RASSF8: variants seen among roughly 807,000 people sequenced by gnomAD.
RASSF8 encodes the protein ras association domain-containing protein 8.
RASSF8 carries 22 observed loss-of-function variants against 48.5 expected under a neutral mutation model. The ratio of observed to expected loss-of-function variants is 0.45; its 90% confidence interval spans 0.32 to 0.65. RASSF8 has a LOEUF of 0.65. Ranked by LOEUF, RASSF8 falls within the 30% of genes least tolerant of loss-of-function variation. The pLI, the probability that RASSF8 is intolerant of heterozygous loss-of-function variation, is 0.03. For synonymous variants in RASSF8, 127 were observed against 171.5 expected (o/e 0.74, Z 2.03); for missense variants, 418 against 489.2 (o/e 0.85, Z 1.37).
intron 1 of RASSF8, among the ~76,000 whole-genome samples, chr12:25,960,899 A>C (rs1320368629): frequency 1.3e-5 from 2 of 152,246 alleles, no homozygotes; most frequent in Non-Finnish European, 2.9e-5. Flanking sequence ...GTTACAAAGA[A>C]CAGAGAGTGT....
intron 1 of RASSF8, among the ~76,000 whole-genome samples, chr12:25,974,670 G>C (rs865794908): frequency 1.3e-5 from 2 of 152,178 alleles, no homozygotes; most frequent in Middle Eastern, 3.4e-3. Context: ...AAATTGAATA[G>C]GGCTTGATGT....
chr12:26,004,736 A>G (rs2136996761), intron 2 of RASSF8, among the ~76,000 whole-genome samples: 1 of 151,990 alleles, frequency 6.6e-6, no homozygotes, highest in East Asian at 2.0e-4. Context: ...GAGGAAGGGG[A>G]GCTCTTCTGA....
At chr12:26,054,966 T>C (rs1943571510) in intron 2 of RASSF8, among the ~76,000 whole-genome samples, 1 of 152,144 alleles carries the variant, frequency 6.6e-6, no homozygotes, top group Admixed American at 6.5e-5. Context: ...GCGCATATAT[T>C]GAATAGGGCT....
intron 2 of RASSF8, among the ~76,000 whole-genome samples, chr12:26,010,410 G>A (rs776710210): frequency 1.3e-5 from 2 of 152,158 alleles, no homozygotes; most frequent in Non-Finnish European, 2.9e-5. Context: ...ATGCAGGAGG[G>A]CACGAAGTAG....
At chr12:25,968,767 G>A (rs559275245) in intron 1 of RASSF8, among the ~76,000 whole-genome samples, 27 of 152,306 alleles carry the variant, frequency 1.8e-4, no homozygotes, top group Admixed American at 5.9e-4. Context: ...TGTACTAGGG[G>A]GAGAGAGATA....
chr12:25,966,542 T>A (rs945543244), intron 1 of RASSF8, among the ~76,000 whole-genome samples: 1 of 150,440 alleles, frequency 6.6e-6, no homozygotes, highest in African/African-American at 2.5e-5. Context: ...CCCTAACAAC[T>A]AGTGATGTAA....
At position 26,071,848 on chromosome 12, in the gene RASSF8, A is replaced by G. The variant is rs1944007204; in HGVS notation, c.*3030A>G. The G allele has an allele frequency of 1.0e-6, 1 of 984,056 alleles. No individual in the cohort carries two copies. Among genetic ancestry groups the G allele is most frequent in the Non-Finnish European group, 1.2e-6 (1 of 828,760 alleles). 61.0% of individuals were successfully genotyped at this position (984,056 alleles called of 1,614,324 possible). ...AATAGAATTTATGGTGTGAAATATG[A>G]AGTATAGCAATATATAACAAGAACA... On this transcript the variant is annotated 3_prime_UTR_variant, in exon 6 of 6. Coordinates refer to ENST00000689635, the MANE Select transcript of RASSF8 (RefSeq NM_001394098.1).
intron 3 of RASSF8, among the ~76,000 whole-genome samples, chr12:26,063,472 C>T (rs1943792268): frequency 6.6e-6 from 1 of 151,724 alleles, no homozygotes; most frequent in Admixed American, 6.6e-5. Context: ...ATACAGCTCA[C>T]TGCAGCCTTG....
intron 2 of RASSF8, among the ~76,000 whole-genome samples, chr12:26,039,929 T>C (rs1033638051): frequency 1.3e-5 from 2 of 152,228 alleles, no homozygotes; most frequent in African/African-American, 4.8e-5. Context: ...TTTTTTGTCT[T>C]TTCTACATAA....
Position 26,055,336 on chromosome 12 carries a change from G to GGT in RASSF8, c.-6_-5dup. 1.2e-6 allele frequency: 2 copies of GGT among 1,611,804 alleles called. No individual in the cohort carries two copies. Among genetic ancestry groups the GGT allele is most frequent in the Non-Finnish European group, 1.7e-6 (2 of 1,178,006 alleles). On this transcript the variant is annotated 5_prime_UTR_variant, in exon 3 of 6. Transcript: ENST00000689635. ...TCTCAGGGACCTTGAGTGACTGGCCGGTGCACCATGGAACTTAAAGTATGG... is the reference window on the plus strand; with the variant it reads ...TCTCAGGGACCTTGAGTGACTGGCCGGTGTGCACCATGGAACTTAAAGTATGG...
intron 1 of RASSF8, among the ~76,000 whole-genome samples, chr12:25,968,377 C>G (rs570041972): frequency 8.5e-5 from 13 of 152,280 alleles, no homozygotes; most frequent in African/African-American, 3.1e-4. Flanking sequence ...GAGTCTCGCT[C>G]TGTCGCCCAG....
At chr12:25,994,680 T>C (rs1387837123) in intron 1 of RASSF8, among the ~76,000 whole-genome samples, 4 of 152,196 alleles carry the variant, frequency 2.6e-5, no homozygotes, top group African/African-American at 9.6e-5. Flanking sequence ...AAAGCTACTT[T>C]CAAGAAATCA....
rs1446168008 is a variant in RASSF8, at chr12:26,031,188, T to A, written c.-108-24048T>A. ...TAACTTGTAGACTCCCCCTGCCCCA[T>A]TTTTTTTTGAGGTATTATGAGGGTT... On this transcript the variant is annotated intron_variant, in intron 2 of 5. Coordinates refer to ENST00000689635, the MANE Select transcript of RASSF8 (RefSeq NM_001394098.1). 2.0e-5 allele frequency among the ~76,000 whole-genome samples: 3 copies of A among 150,754 alleles called. No homozygotes were observed. In the East Asian group the frequency reaches 5.8e-4, roughly 29 times the overall value.
At chr12:26,007,394 G>C (rs1942417810) in intron 2 of RASSF8, among the ~76,000 whole-genome samples, 1 of 152,192 alleles carries the variant, frequency 6.6e-6, no homozygotes, top group South Asian at 2.1e-4. Flanking sequence ...CTGTCTCTCA[G>C]ACCTGGCATT....
At chr12:26,001,968 T>TG (rs1239435960) in intron 2 of RASSF8, among the ~76,000 whole-genome samples, 1 of 152,132 alleles carries the variant, frequency 6.6e-6, no homozygotes, top group African/African-American at 2.4e-5. Flanking sequence ...CACAGACACT[T>TG]GAGTAATGAA....
At chr12:26,015,310 T>G (rs1942622297) in intron 2 of RASSF8, among the ~76,000 whole-genome samples, 1 of 152,172 alleles carries the variant, frequency 6.6e-6, no homozygotes, top group African/African-American at 2.4e-5. Context: ...GAGGAGCACT[T>G]TGTCATGGAG....
rs1045621434 is a variant in RASSF8 at position 26,070,034 on chromosome 12, T to C, written c.*1216T>C. The C allele has an allele frequency of 2.5e-5, 25 of 982,214 alleles. No individual in the cohort carries two copies. Among genetic ancestry groups the C allele is most frequent in the Middle Eastern group, 5.2e-4 (1 of 1,934 alleles). 60.8% of individuals were successfully genotyped at this position (982,214 alleles called of 1,614,324 possible). A position where few individuals can be genotyped will look rare whatever the true frequency, so the allele number is the denominator to read the frequency against. ...AACACCTTTTTGATGAGTAGTGACT[T>C]AACTAAGATTTACAAGTAATATTTA... On this transcript the variant is annotated 3_prime_UTR_variant, in exon 6 of 6. Transcript: ENST00000689635.
At chr12:25,977,246 A>G (rs1250628796) in intron 1 of RASSF8, among the ~76,000 whole-genome samples, 1 of 152,174 alleles carries the variant, frequency 6.6e-6, no homozygotes. Flanking sequence ...CAGTGAATGC[A>G]CGCCAGCCAC....
intron 2 of RASSF8, among the ~76,000 whole-genome samples, chr12:26,040,626 C>T (rs918879184): frequency 1.3e-5 from 2 of 152,150 alleles, no homozygotes; most frequent in African/African-American, 2.4e-5. Context: ...CTGTCCCATG[C>T]CACACTGCTG....
Sources: allele counts gnomAD v4.1 joint callset (sites outside exome capture counted in the v4.1 genomes callset), GRCh38; gene constraint gnomAD v4.1.1; transcripts MANE v1.5; gene names NCBI Gene and HGNC (gene_info 2026-07-23, HGNC 2026-07-21).